FOXN3: variants seen among roughly 807,000 people sequenced by gnomAD.
The protein encoded by FOXN3 is forkhead box protein N3.
In FOXN3, 7 loss-of-function variants were observed where a neutral mutation model predicts 38.4. The ratio of observed to expected loss-of-function variants is 0.18; its 90% confidence interval spans 0.10 to 0.34. The LOEUF is 0.34. Among genes scored for constraint, FOXN3 ranks in the 10% least tolerant of loss-of-function variants. The probability of loss-of-function intolerance (pLI) is 1.00; values close to 1 mark genes in which losing one functional copy is unlikely to be tolerated. For synonymous variants in FOXN3, 230 were observed against 242.2 expected, an observed-to-expected ratio of 0.95 and a Z score of 0.47; for missense variants, 456 against 613.4, an observed-to-expected ratio of 0.74 and a Z score of 2.71.
intron 1 of FOXN3, among the ~76,000 whole-genome samples, chr14:89,477,131 C>CA (rs1328332828): frequency 6.6e-6 from 1 of 152,138 alleles, no homozygotes; most frequent in African/African-American, 2.4e-5. Context: ...GGGGAACACT[C>CA]ACGTTTGAAT....
chr14:89,530,265 A>G (rs1363260880), intron 1 of FOXN3, among the ~76,000 whole-genome samples: 1 of 152,178 alleles, frequency 6.6e-6, no homozygotes. Flanking sequence ...ATAAAGAAAA[A>G]GAGGTTTAAT....
intron 4 of FOXN3, among the ~76,000 whole-genome samples, chr14:89,218,412 G>C (rs1230752843): frequency 6.6e-6 from 1 of 152,198 alleles, no homozygotes; most frequent in Non-Finnish European, 1.5e-5. Context: ...TTTCCCTAAA[G>C]GTAACCTTAC....
intron 1 of FOXN3, among the ~76,000 whole-genome samples, chr14:89,428,190 T>A (rs1892082819): frequency 2.0e-5 from 3 of 152,254 alleles, no homozygotes; most frequent in Admixed American, 2.0e-4. Context: ...ATAGATTAAA[T>A]GATTACTAAC....
At chr14:89,338,492 G>A (rs1228869900) in intron 3 of FOXN3, among the ~76,000 whole-genome samples, 3 of 152,052 alleles carry the variant, frequency 2.0e-5, no homozygotes, top group Non-Finnish European at 4.4e-5. Flanking sequence ...TATATATAAG[G>A]GCCAAACTGG....
chr14:89,577,535 A>G (rs2139905031), intron 1 of FOXN3: 1 of 152,288 alleles, frequency 6.6e-6, no homozygotes, highest in African/African-American at 2.4e-5. Flanking sequence ...GATGCCACAC[A>G]TCTTTACAAA....
At chr14:89,304,066 C>T (rs935522782) in intron 3 of FOXN3, among the ~76,000 whole-genome samples, 2 of 152,222 alleles carry the variant, frequency 1.3e-5, no homozygotes, top group African/African-American at 4.8e-5. Context: ...CCGGTGATCA[C>T]TCTGCTAAAA....
chr14:89,234,616 CCTCTCTCT>C (rs34492323), intron 4 of FOXN3, among the ~76,000 whole-genome samples: 2 of 148,332 alleles, frequency 1.3e-5, no homozygotes, highest in African/African-American at 2.5e-5. Context: ...TATGTGGCAT[CCTCTCTCT>C]CTCTCTCTCT....
At chr14:89,556,089 C>A (rs1172538720) in intron 1 of FOXN3, among the ~76,000 whole-genome samples, 1 of 152,092 alleles carries the variant, frequency 6.6e-6, no homozygotes, top group Non-Finnish European at 1.5e-5. Context: ...CCCATTTTGT[C>A]ATTTGGGCCA....
intron 4 of FOXN3, among the ~76,000 whole-genome samples, chr14:89,279,831 C>G (rs952199716): frequency 1.3e-5 from 2 of 152,294 alleles, no homozygotes. Context: ...AATTGCGTGG[C>G]CTATAAATCA....
rs532596839 is a variant in FOXN3 at position 89,339,362 on chromosome 14, T to C, written c.680+11310A>G. Among the ~76,000 whole-genome samples, 10 of 152,258 alleles carry C rather than the reference T, an allele frequency of 6.6e-5. No homozygotes were observed. The East Asian group carries it at 1.9e-3, about 29-fold the overall frequency. ...GGTAACATGTCCAAGGTCACACAGCTAGTGAGTGGCCCAGGGAGGCTCTAA... is the reference window on the plus strand; with the variant it reads ...GGTAACATGTCCAAGGTCACACAGCCAGTGAGTGGCCCAGGGAGGCTCTAA... On this transcript the variant is annotated intron_variant, in intron 3 of 5. Coordinates refer to ENST00000557258, the MANE Select transcript of FOXN3 (RefSeq NM_005197.4).
intron 4 of FOXN3, among the ~76,000 whole-genome samples, chr14:89,276,142 G>C (rs1486743263): frequency 1.3e-5 from 2 of 152,074 alleles, no homozygotes; most frequent in Admixed American, 1.3e-4. Context: ...AGCTGAGTGG[G>C]GTAGTGGATG....
At chr14:89,547,990 G>C (rs1303628713) in intron 1 of FOXN3, among the ~76,000 whole-genome samples, 1 of 152,156 alleles carries the variant, frequency 6.6e-6, no homozygotes, top group Non-Finnish European at 1.5e-5. Flanking sequence ...CTAACCCTAG[G>C]AGAGAAAGTA....
intron 4 of FOXN3, among the ~76,000 whole-genome samples, chr14:89,250,020 G>A (rs1352718673): frequency 6.6e-6 from 1 of 152,238 alleles, no homozygotes; most frequent in Non-Finnish European, 1.5e-5. Flanking sequence ...TCTGTGGCCT[G>A]CAAAGTCTAT....
intron 4 of FOXN3, among the ~76,000 whole-genome samples, chr14:89,217,856 A>G (rs1884336562): frequency 6.6e-6 from 1 of 152,214 alleles, no homozygotes; most frequent in Non-Finnish European, 1.5e-5. Flanking sequence ...CTGAGCCTGC[A>G]GCACTGCTGC....
chr14:89,424,995 C>G (rs193097197), intron 1 of FOXN3, among the ~76,000 whole-genome samples: 292 of 151,558 alleles, frequency 1.9e-3, no homozygotes, highest in Admixed American at 4.1e-3. Flanking sequence ...GATCACCTCT[C>G]TCAGTTCTTG....
rs765273310 is a variant in FOXN3, at chr14:89,163,662, C to T, written c.852-693G>A. On this transcript the variant is annotated intron_variant, in intron 5 of 5. Transcript: ENST00000557258. The surrounding 1 kb of genome is among the most constrained non-coding windows in gnomAD (Gnocchi z 4.3). ...CAGACCAGAGGGCAATAAACTACGA[C>T]TTCCCGAACTCAACACCTGCCAGGC... Among the ~76,000 whole-genome samples the T allele has an allele frequency of 9.9e-5, 15 of 152,144 alleles. No homozygotes were observed. Among genetic ancestry groups the T allele is most frequent in the Admixed American group, 6.5e-5 (1 of 15,278 alleles).
At chr14:89,587,952 T>G (rs1188882514) in intron 1 of FOXN3, among the ~76,000 whole-genome samples, 6 of 152,096 alleles carry the variant, frequency 3.9e-5, no homozygotes, top group East Asian at 1.9e-4. Context: ...GGGGCTTTTT[T>G]GTTTTAGCAT....
At chr14:89,529,595 T>C (rs571250241) in intron 1 of FOXN3, among the ~76,000 whole-genome samples, 5 of 152,350 alleles carry the variant, frequency 3.3e-5, no homozygotes, top group African/African-American at 7.2e-5. Context: ...TTCAAATGTT[T>C]ATCATCTAAA....
chr14:89,193,534 C>T (rs745942560), intron 4 of FOXN3, among the ~76,000 whole-genome samples: 1 of 152,016 alleles, frequency 6.6e-6, no homozygotes, highest in African/African-American at 2.4e-5. Flanking sequence ...ACCCCCCACC[C>T]CCCCACCTTC....
Sources: gnomAD v4.1 joint callset for allele counts (sites outside exome capture counted in the v4.1 genomes callset) on GRCh38, gnomAD v4.1.1 for gene constraint, Gnocchi (gnomAD v3.1) non-coding constraint, MANE v1.5 for transcripts, NCBI Gene and HGNC (gene_info 2026-07-23, HGNC 2026-07-21) for gene names.